The following ROBO2 variants were observed in gnomAD, a reference collection of about 807,000 sequenced individuals.
ROBO2 encodes the protein roundabout guidance receptor 2.
In ROBO2, 53 loss-of-function variants were observed where a neutral mutation model predicts 160.8. The ratio of observed to expected loss-of-function variants is 0.33; its 90% CI spans 0.26 to 0.41. ROBO2 has a LOEUF of 0.41. Among genes scored for constraint, ROBO2 ranks in the 10% least tolerant of loss-of-function variants. ROBO2 has a pLI of 1.00. For synonymous variants in ROBO2, 664 were observed against 611.7 expected (o/e 1.09, Z -1.26); for missense variants, 1,577 against 1,722.4 (o/e 0.92, Z 1.49).
At chr3:77,592,321 C>A (rs2094199887) in intron 17 of ROBO2, among the ~76,000 whole-genome samples, 1 of 151,944 alleles carries the variant, frequency 6.6e-6, no homozygotes, top group Admixed American at 6.6e-5. Context: ...TATTTTGACA[C>A]CCTATTAGCA....
At chr3:77,420,638 C>T (rs2077632096) in intron 2 of ROBO2, among the ~76,000 whole-genome samples, 1 of 152,118 alleles carries the variant, frequency 6.6e-6, no homozygotes, top group Non-Finnish European at 1.5e-5. Flanking sequence ...GTCACTCTGA[C>T]TCTGCTCAAA....
Position 76,209,130 on chromosome 3 carries a change from C to T in ROBO2, c.109+271528C>T, listed in dbSNP as rs1012274164. 2.6e-5 allele frequency among the ~76,000 whole-genome samples: 4 copies of T among 152,314 alleles called. No homozygotes were observed. The East Asian group carries it at 7.7e-4, about 29-fold the overall frequency. Reference sequence around the variant, plus strand: ...CTATTTTTATTTCTCTAAACTGTTACATGGCAAGGCATGTGATCTTGTCCA... The same window carrying T: ...CTATTTTTATTTCTCTAAACTGTTATATGGCAAGGCATGTGATCTTGTCCA... On this transcript the variant is annotated intron_variant, in intron 2 of 26. Transcript: ENST00000487694.
At chr3:77,069,411 A>T (rs2067184109) in intron 1 of ROBO2, among the ~76,000 whole-genome samples, 1 of 152,208 alleles carries the variant, frequency 6.6e-6, no homozygotes, top group Non-Finnish European at 1.5e-5. Flanking sequence ...TGGACTTGTC[A>T]TATTTAACAC....
chr3:76,669,507 C>T (rs2092181442), intron 2 of ROBO2, among the ~76,000 whole-genome samples: 1 of 152,124 alleles, frequency 6.6e-6, no homozygotes, highest in South Asian at 2.1e-4. Context: ...AAGGTTCTAT[C>T]AGTCATGAGT....
At chr3:76,801,587 T>TA (rs1560586876) in intron 2 of ROBO2, among the ~76,000 whole-genome samples, 2 of 151,898 alleles carry the variant, frequency 1.3e-5, no homozygotes, top group Non-Finnish European at 2.9e-5. Context: ...AGTTTTTTTT[T>TA]TAAAAAAAGA....
chr3:76,914,805 C>A (rs777890732), intron 2 of ROBO2, among the ~76,000 whole-genome samples: 1 of 152,016 alleles, frequency 6.6e-6, no homozygotes, highest in Non-Finnish European at 1.5e-5. Context: ...GACAGGAGCA[C>A]ATGTTGGAAG....
chr3:77,546,423 C>A, exon 7 of ROBO2: 1 of 1,613,326 alleles, frequency 6.2e-7, no homozygotes, highest in Non-Finnish European at 8.5e-7. Flanking sequence ...CTAAAGGAAA[C>A]CCACAGCCAG....
Position 77,646,063 on chromosome 3 carries a change from G to A in ROBO2, c.*8G>A, listed in dbSNP as rs765075920. ...TTTTCTCTTTCTTTAGAGTAAATGAGAGGAGACATACAAAGCTGCTCTGAA... is the reference window on the plus strand; with the variant it reads ...TTTTCTCTTTCTTTAGAGTAAATGAAAGGAGACATACAAAGCTGCTCTGAA... On this transcript the variant is annotated 3_prime_UTR_variant, in exon 26 of 26. Coordinates refer to ENST00000461745, the Ensembl canonical transcript of ROBO2. 5.0e-6 allele frequency: 8 copies of A among 1,593,370 alleles called. No individual in the cohort carries two copies. In the East Asian group the frequency reaches 1.1e-4, roughly 22 times the overall value.
intron 2 of ROBO2, among the ~76,000 whole-genome samples, chr3:76,831,965 G>A (rs1413714398): frequency 6.6e-6 from 1 of 152,092 alleles, no homozygotes; most frequent in Admixed American, 6.6e-5. Context: ...CTTTAATCCA[G>A]TTAAAGCAGT....
intron 2 of ROBO2, among the ~76,000 whole-genome samples, chr3:76,049,406 T>A (rs2035700): frequency 1.1e-3 from 92 of 87,346 alleles, no homozygotes; most frequent in Middle Eastern, 0.012. Context: ...TATATATATT[T>A]TTTTTTTTTT....
exon 14 of ROBO2, chr3:77,574,583 A>C (rs753303712): frequency 7.4e-6 from 12 of 1,613,358 alleles, no homozygotes; most frequent in Non-Finnish European, 9.3e-6. Context: ...TTCGTGGCAG[A>C]ATTTAGATGC....
chr3:76,276,897 T>C (rs1354741869), intron 2 of ROBO2, among the ~76,000 whole-genome samples: 1 of 152,046 alleles, frequency 6.6e-6, no homozygotes, highest in African/African-American at 2.4e-5. Flanking sequence ...AATATTTGCA[T>C]ATACATAATG....
intron 2 of ROBO2, among the ~76,000 whole-genome samples, chr3:76,495,345 G>A (rs1232220738): frequency 1.3e-5 from 2 of 151,494 alleles, no homozygotes; most frequent in Admixed American, 6.6e-5. Context: ...ATTTGAGTGT[G>A]CCTGAGTTGT....
intron 2 of ROBO2, among the ~76,000 whole-genome samples, chr3:77,155,404 C>G (rs1051837054): frequency 7.2e-5 from 11 of 152,056 alleles, no homozygotes; most frequent in African/African-American, 2.4e-4. Flanking sequence ...ATGAGAAGGA[C>G]TTCACTTGCT....
intron 2 of ROBO2, among the ~76,000 whole-genome samples, chr3:76,258,454 C>T (rs1197839145): frequency 6.6e-6 from 1 of 151,824 alleles, no homozygotes; most frequent in Non-Finnish European, 1.5e-5. Context: ...TACCGAGTAC[C>T]AGCACATTAT....
chr3:76,595,729 A>G (rs537975303), intron 2 of ROBO2, among the ~76,000 whole-genome samples: 1 of 152,246 alleles, frequency 6.6e-6, no homozygotes, highest in African/African-American at 2.4e-5. Context: ...GAACATAAGA[A>G]TTCCAAATAG....
At chr3:76,848,660 C>T (rs369564034) in intron 2 of ROBO2, among the ~76,000 whole-genome samples, 17 of 152,288 alleles carry the variant, frequency 1.1e-4, no homozygotes, top group Admixed American at 2.0e-4. Context: ...TGAGGACCCA[C>T]GTCCTGATGT....
intron 21 of ROBO2, among the ~76,000 whole-genome samples, chr3:77,616,124 T>G (rs1002203611): frequency 6.6e-6 from 1 of 152,168 alleles, no homozygotes; most frequent in African/African-American, 2.4e-5. Flanking sequence ...ATAAGTATTA[T>G]GGAATTGCAA....
At chr3:76,622,015 G>A (rs545136417) in intron 2 of ROBO2, among the ~76,000 whole-genome samples, 1 of 151,506 alleles carries the variant, frequency 6.6e-6, no homozygotes, top group African/African-American at 2.4e-5. Context: ...CCATCCCTTA[G>A]TCTCCTTAAG....
Sources: allele counts gnomAD v4.1 joint callset (sites outside exome capture counted in the v4.1 genomes callset), GRCh38; gene constraint gnomAD v4.1.1; transcripts MANE v1.5; gene names NCBI Gene and HGNC (gene_info 2026-07-23, HGNC 2026-07-21).